The following NUDT3 variants were observed in gnomAD, a reference collection of about 807,000 sequenced individuals.
NUDT3 encodes the protein nudix hydrolase 3.
In NUDT3, 9 loss-of-function variants were observed where a neutral mutation model predicts 23.6. That is an observed-to-expected ratio of 0.38 (90% CI 0.23 to 0.66). The LOEUF is 0.66. NUDT3 is among the 30% of genes least tolerant of loss of function. NUDT3 has a pLI of 0.52. For missense variants in NUDT3, 172 were observed against 218.5 expected, an observed-to-expected ratio of 0.79 and a Z score of 1.34; for synonymous variants, 86 against 82.6, an observed-to-expected ratio of 1.04 and a Z score of -0.22.
chr6:34,322,297 T>C (rs564683107), intron 2 of NUDT3, among the ~76,000 whole-genome samples: 2 of 152,040 alleles, frequency 1.3e-5, no homozygotes, highest in East Asian at 1.9e-4. Context: ...GTGGCACGAT[T>C]TCAGCTCACT....
chr6:34,321,591 A>G (rs1191978383), intron 2 of NUDT3, among the ~76,000 whole-genome samples: 2 of 152,084 alleles, frequency 1.3e-5, no homozygotes, highest in South Asian at 2.1e-4. Flanking sequence ...TATAATATAT[A>G]TATTTTTCGC....
intron 1 of NUDT3, among the ~76,000 whole-genome samples, chr6:34,378,762 C>T (rs1764966701): frequency 6.6e-6 from 1 of 152,180 alleles, no homozygotes; most frequent in Admixed American, 6.5e-5. Context: ...GAGAAGAGAG[C>T]TAGGTGGAGG....
At chr6:34,343,491 T>C (rs889593165) in intron 1 of NUDT3, among the ~76,000 whole-genome samples, 1 of 151,242 alleles carries the variant, frequency 6.6e-6, no homozygotes, top group African/African-American at 2.4e-5. Flanking sequence ...CAGCGAGCTA[T>C]GATCAAGCCA....
chr6:34,351,310 CA>C (rs969449892), intron 1 of NUDT3, among the ~76,000 whole-genome samples: 11 of 141,028 alleles, frequency 7.8e-5, no homozygotes, highest in South Asian at 2.3e-4. Flanking sequence ...CCTGTCTCTA[CA>C]AAAAAAATTA....
At chr6:34,370,542 A>C (rs1342578753) in intron 1 of NUDT3, among the ~76,000 whole-genome samples, 1 of 152,228 alleles carries the variant, frequency 6.6e-6, no homozygotes, top group Non-Finnish European at 1.5e-5. Context: ...AAGAGGGTTC[A>C]GGATGTGGGG....
intron 1 of NUDT3, among the ~76,000 whole-genome samples, chr6:34,369,204 C>T (rs1764790310): frequency 6.6e-6 from 1 of 152,188 alleles, no homozygotes; most frequent in South Asian, 2.1e-4. Context: ...TTAAATTCAA[C>T]TCATCAAAAT....
chr6:34,369,080 C>CCAAGAT lies in NUDT3; in HGVS notation c.99+23183_99+23184insATCTTG, dbSNP rs1469005314. ...TGTTTATTGGGTACCTGTAATAGAC[C>CCAAGAT]ACTGGTTGAACACAAGATATAGAAG... On this transcript the variant is annotated intron_variant, in intron 1 of 4. Transcript: ENST00000607016. 2.2e-3 allele frequency among the ~76,000 whole-genome samples: 333 copies of CCAAGAT among 152,250 alleles called. 1 individual carries two copies. The highest frequency in any genetic ancestry group is 0.011 in the East Asian group (57 of 5,182).
intron 1 of NUDT3, among the ~76,000 whole-genome samples, chr6:34,356,135 A>T (rs1764557616): frequency 6.6e-6 from 1 of 152,176 alleles, no homozygotes; most frequent in African/African-American, 2.4e-5. Flanking sequence ...TTAACAATGT[A>T]AGAAGGCCCT....
chr6:34,332,412 G>C (rs1016052720), intron 2 of NUDT3, among the ~76,000 whole-genome samples: 9 of 152,158 alleles, frequency 5.9e-5, no homozygotes, highest in African/African-American at 2.2e-4. Context: ...GGAGGAAGAG[G>C]AGGGGTTGGT....
At chr6:34,385,605 A>G (rs937012745) in intron 1 of NUDT3, among the ~76,000 whole-genome samples, 7 of 151,186 alleles carry the variant, frequency 4.6e-5, no homozygotes, top group Admixed American at 2.6e-4. Context: ...GAAGTAATCT[A>G]TGTGCAGAGT....
intron 1 of NUDT3, among the ~76,000 whole-genome samples, chr6:34,342,520 T>C (rs918031038): frequency 5.3e-5 from 8 of 152,176 alleles, no homozygotes; most frequent in Admixed American, 2.0e-4. Flanking sequence ...CCTAATTCTC[T>C]TGGCCACATG....
intron 2 of NUDT3, among the ~76,000 whole-genome samples, chr6:34,318,256 T>C (rs1443361028): frequency 1.3e-5 from 2 of 152,208 alleles, no homozygotes; most frequent in South Asian, 2.1e-4. Context: ...AATTGCTCGA[T>C]TGCTTCACAT....
intron 1 of NUDT3, among the ~76,000 whole-genome samples, chr6:34,345,697 G>A (rs1006366157): frequency 6.7e-6 from 1 of 149,300 alleles, no homozygotes; most frequent in Admixed American, 6.7e-5. Context: ...GGGACTCAGT[G>A]CTACTACTTT....
At chr6:34,334,975 A>G (rs1241797105) in intron 2 of NUDT3, among the ~76,000 whole-genome samples, 1 of 150,450 alleles carries the variant, frequency 6.6e-6, no homozygotes, top group Non-Finnish European at 1.5e-5. Context: ...GAGGGAGAGA[A>G]AGAAAGAGAG....
chr6:34,345,893 C>T (rs1484012976), intron 1 of NUDT3, among the ~76,000 whole-genome samples: 3 of 151,986 alleles, frequency 2.0e-5, no homozygotes, highest in East Asian at 2.0e-4. Context: ...CTCAGCCTCC[C>T]GAGTAGCTGG....
chr6:34,311,657 C>T (rs1581858401), intron 2 of NUDT3, among the ~76,000 whole-genome samples: 1 of 152,132 alleles, frequency 6.6e-6, no homozygotes, highest in East Asian at 1.9e-4. Context: ...AGAACGGATA[C>T]CCAACTTCAA....
At chr6:34,292,212 C>T (rs958510958) in intron 4 of NUDT3, among the ~76,000 whole-genome samples, 1 of 152,148 alleles carries the variant, frequency 6.6e-6, no homozygotes, top group African/African-American at 2.4e-5. Context: ...GAATTTATTT[C>T]CTTGAGCACC....
At chr6:34,338,431 T>C (rs1764241762) in intron 2 of NUDT3, among the ~76,000 whole-genome samples, 2 of 152,226 alleles carry the variant, frequency 1.3e-5, no homozygotes, top group African/African-American at 4.8e-5. Context: ...TCCCTCAAAG[T>C]TTAATTTTCA....
At chr6:34,319,373 G>A (rs111245377) in intron 2 of NUDT3, among the ~76,000 whole-genome samples, 4,081 of 152,244 alleles carry the variant, frequency 0.027, 84 homozygotes, top group Non-Finnish European at 0.043. Context: ...GGATTTCCAT[G>A]ACCCCCTATT....
Sources: gnomAD v4.1 joint callset for allele counts (sites outside exome capture counted in the v4.1 genomes callset) on GRCh38, gnomAD v4.1.1 for gene constraint, MANE v1.5 for transcripts, NCBI Gene and HGNC (gene_info 2026-07-23, HGNC 2026-07-21) for gene names.